The following SLAMF1 variants were observed in gnomAD, a reference collection of about 807,000 sequenced individuals.
SLAMF1 encodes the protein signaling lymphocytic activation molecule.
SLAMF1 carries 18 observed loss-of-function variants against 35.1 expected under a neutral mutation model. That is an observed-to-expected ratio of 0.51 (90% CI 0.35 to 0.76). The LOEUF is 0.76. Ranked by LOEUF, SLAMF1 falls within the 30% of genes least tolerant of loss-of-function variation. SLAMF1 has a pLI of 0.01. For synonymous variants in SLAMF1, 168 were observed against 157.2 expected (o/e 1.07, Z -0.51); for missense variants, 392 against 413.0 (o/e 0.95, Z 0.44).
chr1:160,643,349 C>T (rs1660858837), intron 1 of SLAMF1, among the ~76,000 whole-genome samples: 1 of 152,160 alleles, frequency 6.6e-6, no homozygotes, highest in Admixed American at 6.5e-5. Context: ...ATGGCACAAG[C>T]TTATGCTGGC....
chr1:160,617,470 C>T (rs566632067), intron 5 of SLAMF1, among the ~76,000 whole-genome samples: 2 of 151,890 alleles, frequency 1.3e-5, no homozygotes, highest in South Asian at 4.1e-4. Context: ...TATATTCATA[C>T]GTTTATATTC....
intron 3 of SLAMF1, among the ~76,000 whole-genome samples, chr1:160,631,868 C>T (rs1322656777): frequency 6.6e-6 from 1 of 151,990 alleles, no homozygotes; most frequent in Admixed American, 6.5e-5. Context: ...ATCTGTTGTA[C>T]TTTATTATGG....
chr1:160,636,567 G>A (rs762782730), intron 2 of SLAMF1, among the ~76,000 whole-genome samples: 2 of 152,210 alleles, frequency 1.3e-5, no homozygotes, highest in Non-Finnish European at 2.9e-5. Context: ...GGATTCAGGT[G>A]GACTTGGTTC....
chr1:160,638,844 C>G (rs1295789197), intron 1 of SLAMF1, among the ~76,000 whole-genome samples: 1 of 152,192 alleles, frequency 6.6e-6, no homozygotes, highest in Non-Finnish European at 1.5e-5. Context: ...AACATACTCT[C>G]CCGGTTTTTC....
At chr1:160,613,309 A>T (rs1178844301) in intron 5 of SLAMF1, among the ~76,000 whole-genome samples, 1 of 152,184 alleles carries the variant, frequency 6.6e-6, no homozygotes, top group Non-Finnish European at 1.5e-5. Flanking sequence ...AAACATTCTG[A>T]TATATTTATG....
chr1:160,608,860 GCCTA>G lies in SLAMF1; in HGVS notation c.*1884_*1887del, dbSNP rs1186705621. 1 of 152,098 alleles carries G rather than the reference GCCTA, an allele frequency of 6.6e-6. No individual in the cohort carries two copies. The highest frequency in any genetic ancestry group is 1.5e-5 in the Non-Finnish European group (1 of 68,008). The allele number at this position is 152,098 out of a possible 1,614,324, so 9.4% of individuals were successfully genotyped here. A position where few individuals can be genotyped will look rare whatever the true frequency, so the allele number is the denominator to read the frequency against. The stretch of plus-strand genomic sequence containing the variant: ...GGATAATTGTGAGGCTTTTTTGTCT[GCCTA>G]CCACCTGAATCCCACTTCTATTATT... On this transcript the variant is annotated 3_prime_UTR_variant, in exon 7 of 7. Transcript: ENST00000302035.
At chr1:160,640,789 A>T (rs190418054) in intron 1 of SLAMF1, among the ~76,000 whole-genome samples, 124 of 152,304 alleles carry the variant, frequency 8.1e-4, no homozygotes, top group African/African-American at 2.2e-3. Flanking sequence ...GTTGAGGAAA[A>T]GTGAGAAAGG....
chr1:160,628,043 C>T lies in SLAMF1; in HGVS notation c.701-3858G>A, dbSNP rs530706173. 2.6e-5 allele frequency among the ~76,000 whole-genome samples: 4 copies of T among 152,314 alleles called. No individual in the cohort carries two copies. In the South Asian group the frequency reaches 6.2e-4, roughly 24 times the overall value. On this transcript the variant is annotated intron_variant, in intron 3 of 6. Transcript: ENST00000302035. ...GTAAGACATGATTTTGCTCCTCATT[C>T]GCCTTCAACCATGATTGTGAGGCCT...
At chr1:160,627,084 A>T (rs886728898) in intron 3 of SLAMF1, among the ~76,000 whole-genome samples, 1 of 152,226 alleles carries the variant, frequency 6.6e-6, no homozygotes, top group African/African-American at 2.4e-5. Context: ...ATTTGGAGCC[A>T]GATAGATAAG....
intron 2 of SLAMF1, 165 bp downstream of exon 2, chr1:160,637,025 AC>A: frequency 3.3e-6 from 2 of 601,918 alleles, no homozygotes; most frequent in South Asian, 4.2e-5. Context: ...AAAAATGTCA[AC>A]CTTTAAAACG....
chr1:160,630,188 G>A (rs1386299988), intron 3 of SLAMF1, among the ~76,000 whole-genome samples: 2 of 152,172 alleles, frequency 1.3e-5, no homozygotes, highest in South Asian at 2.1e-4. Flanking sequence ...ACTGTCCACA[G>A]CTGACCCACA....
At chr1:160,624,000 A>G (rs906602372) in intron 4 of SLAMF1, 96 bp downstream of exon 4, 84 of 826,578 alleles carry the variant, frequency 1.0e-4, no homozygotes, top group Non-Finnish European at 1.5e-4. Context: ...CCATGCAGAA[A>G]GCCAGAGTTG....
At chr1:160,637,824 G>A (rs1660536787) in intron 1 of SLAMF1, among the ~76,000 whole-genome samples, 1 of 152,196 alleles carries the variant, frequency 6.6e-6, no homozygotes, top group Non-Finnish European at 1.5e-5. Flanking sequence ...AAAGCACAGA[G>A]AAGTTAAATG....
At chr1:160,618,566 G>A (rs1373223315) in intron 5 of SLAMF1, among the ~76,000 whole-genome samples, 1 of 152,170 alleles carries the variant, frequency 6.6e-6, no homozygotes, top group Admixed American at 6.5e-5. Flanking sequence ...AAATAGAGTA[G>A]AGAACAGACT....
Position 160,634,911 on chromosome 1 carries a change from G to A in SLAMF1, c.416-14C>T, listed in dbSNP as rs1212385467. The A allele has an allele frequency of 1.9e-6, 3 of 1,595,586 alleles. No homozygotes were observed. Among genetic ancestry groups the A allele is most frequent in the African/African-American group, 1.3e-5 (1 of 74,374 alleles). On this transcript the variant is annotated splice_polypyrimidine_tract_variant and intron_variant, in intron 2 of 6. Coordinates refer to ENST00000302035, the MANE Select transcript of SLAMF1 (RefSeq NM_003037.5). ...TGGAGACCTGCTCTGTCAGGAGTGG[G>A]AGGAAGGGAGCCATCACTGAAGTGA...
Position 160,646,877 on chromosome 1 carries a change from G to A in SLAMF1, c.69C>T (p.Tyr23=), listed in dbSNP as rs147176135. Residue 23 remains tyrosine (Y), a synonymous_variant, in exon 1 of 7, where the codon TAC becomes TAT. Transcript: ENST00000302035. The stretch of plus-strand genomic sequence containing the variant: ...AGGCAGATGAACACTCACCTGTTCC[G>A]TAGCTTGCCCCAAAAGCCAGGGAGA... ...LFLSLAFGAS[Y]GTGGRMMNCP... is the part of the protein sequence containing the mutation. 1.6e-4 allele frequency: 250 copies of A among 1,591,228 alleles called. 2 individuals carry two copies. In the African/African-American group the frequency reaches 2.4e-3, roughly 15 times the overall value.
At chr1:160,637,006 T>A (rs1660485469) in intron 2 of SLAMF1, 185 bp downstream of exon 2, 1 of 592,364 alleles carries the variant, frequency 1.7e-6, no homozygotes, top group Non-Finnish European at 3.0e-6. Context: ...CAATATGCAA[T>A]TTGGAAAAAA....
At chr1:160,626,819 A>C (rs1659908095) in intron 3 of SLAMF1, among the ~76,000 whole-genome samples, 1 of 152,062 alleles carries the variant, frequency 6.6e-6, no homozygotes. Context: ...TCCTCCATCC[A>C]ACACATGCTC....
Position 160,619,824 on chromosome 1 carries a change from T to C in SLAMF1, c.816A>G (p.Thr272=). The C allele has an allele frequency of 6.2e-7, 1 of 1,612,444 alleles. No homozygotes were observed. Among genetic ancestry groups the C allele is most frequent in the South Asian group, 1.1e-5 (1 of 91,044 alleles). Residue 272 remains threonine (T), a synonymous_variant, in exon 5 of 7, where the codon ACA becomes ACG. Coordinates refer to ENST00000302035, the MANE Select transcript of SLAMF1 (RefSeq NM_003037.5). ...RRGKTNHYQT[T]VEKKSLTIYA... is the part of the protein sequence containing the mutation. ...AGATCGTAAGGCTTTTTTTTTCCAC[T>C]GTTGTCTGGTAATGGTTCGTTTTAC...
Sources: allele counts gnomAD v4.1 joint callset (sites outside exome capture counted in the v4.1 genomes callset), GRCh38; gene constraint gnomAD v4.1.1; transcripts MANE v1.5; gene names NCBI Gene and HGNC (gene_info 2026-07-23, HGNC 2026-07-21).